GALNT13: variants seen among roughly 807,000 people sequenced by gnomAD.
The protein encoded by GALNT13 is polypeptide N-acetylgalactosaminyltransferase 13, also known as UDP-GalNAc:polypeptide N-acetylgalactosaminyltransferase 13.
A neutral mutation model predicts 64.2 loss-of-function variants in GALNT13; 28 were observed. That is an observed-to-expected ratio of 0.44 (90% CI 0.32 to 0.60). The LOEUF (loss-of-function observed/expected upper bound fraction) is 0.60, where lower values mean the gene tolerates loss of function less well. GALNT13 is among the 20% of genes least tolerant of loss of function. The probability of loss-of-function intolerance (pLI) is 0.05; values close to 1 mark genes in which losing one functional copy is unlikely to be tolerated. For synonymous variants in GALNT13, 214 were observed against 224.6 expected (o/e 0.95, Z 0.42); for missense variants, 577 against 669.8 (o/e 0.86, Z 1.53).
At chr2:153,869,378 T>C (rs1394087418), upstream of GALNT13, among the ~76,000 whole-genome samples, 1 of 152,198 alleles carries the variant, frequency 6.6e-6, no homozygotes, top group Non-Finnish European at 1.5e-5. Context: ...ACATTGCATT[T>C]AGTAGTCATG....
At chr2:153,291,661 G>T in the GALNT13 span, among the ~76,000 whole-genome samples, 1 of 150,062 alleles carries the variant, frequency 6.7e-6, no homozygotes, top group South Asian at 2.1e-4. Flanking sequence ...GGAGTTTCTG[G>T]CAGATGCTCC....
chr2:154,150,175 A>G (rs1194840269), intron 4 of GALNT13, among the ~76,000 whole-genome samples: 1 of 152,204 alleles, frequency 6.6e-6, no homozygotes, highest in Non-Finnish European at 1.5e-5. Context: ...TTCGGCATCT[A>G]TTGAGATAAT....
At chr2:154,307,742 A>C (rs1269880342) in intron 9 of GALNT13, among the ~76,000 whole-genome samples, 1 of 152,164 alleles carries the variant, frequency 6.6e-6, no homozygotes, top group Non-Finnish European at 1.5e-5. Context: ...GGCAGTTTTC[A>C]CAAGTAATTG....
chr2:153,972,433 A>G (rs1693801289), intron 3 of GALNT13, among the ~76,000 whole-genome samples: 1 of 152,114 alleles, frequency 6.6e-6, no homozygotes, highest in South Asian at 2.1e-4. Context: ...TAATATTAGG[A>G]TAAACAATTT....
chr2:153,615,178 A>T, the GALNT13 span, among the ~76,000 whole-genome samples: 2 of 152,062 alleles, frequency 1.3e-5, no homozygotes, highest in Non-Finnish European at 2.9e-5. Context: ...CTTCAGTTCT[A>T]TCCATGTTGT....
chr2:154,229,712 A>G (rs1439710436), intron 4 of GALNT13, among the ~76,000 whole-genome samples: 2 of 152,054 alleles, frequency 1.3e-5, no homozygotes, highest in African/African-American at 4.8e-5. Flanking sequence ...AGCATTCCAG[A>G]TAGAAGGCAT....
chr2:153,681,785 C>G, the GALNT13 span, among the ~76,000 whole-genome samples: 1 of 151,704 alleles, frequency 6.6e-6, no homozygotes. Flanking sequence ...TCAAATAGTT[C>G]TGATTTAAAA....
chr2:154,228,215 G>A (rs963429232), intron 4 of GALNT13, among the ~76,000 whole-genome samples: 10 of 150,170 alleles, frequency 6.7e-5, no homozygotes, highest in African/African-American at 2.0e-4. Context: ...CTCAAAGAGC[G>A]TGTTTATGTA....
At chr2:154,182,493 A>G (rs749862870) in intron 4 of GALNT13, among the ~76,000 whole-genome samples, 6 of 151,796 alleles carry the variant, frequency 4.0e-5, no homozygotes, top group Admixed American at 4.0e-4. Context: ...CTTTCCCCCT[A>G]TCCATGTGGA....
At chr2:153,265,667 A>G in the GALNT13 span, among the ~76,000 whole-genome samples, 33 of 152,136 alleles carry the variant, frequency 2.2e-4, no homozygotes. Flanking sequence ...ATTGTGATGA[A>G]TGTGCTTTTT....
At chr2:153,328,189 G>A in the GALNT13 span, among the ~76,000 whole-genome samples, 4 of 152,158 alleles carry the variant, frequency 2.6e-5, no homozygotes, top group Non-Finnish European at 4.4e-5. Flanking sequence ...CATCCCTGAG[G>A]GGCAGTTGCC....
chr2:153,845,822 T>C, the GALNT13 span, among the ~76,000 whole-genome samples: 3 of 152,088 alleles, frequency 2.0e-5, no homozygotes, highest in African/African-American at 7.2e-5. Context: ...ATCACAAAAG[T>C]ATATACCAAA....
At chr2:153,770,763 T>A in the GALNT13 span, among the ~76,000 whole-genome samples, 1 of 152,212 alleles carries the variant, frequency 6.6e-6, no homozygotes, top group African/African-American at 2.4e-5. Context: ...TGCACAGTAG[T>A]CTGAGCTCCG....
the GALNT13 span, among the ~76,000 whole-genome samples, chr2:153,821,909 T>A: frequency 6.6e-6 from 1 of 152,126 alleles, no homozygotes; most frequent in East Asian, 1.9e-4. Context: ...ACATTACAAC[T>A]GATTCAAAAG....
At chr2:154,047,993 T>C (rs1280277030) in intron 3 of GALNT13, among the ~76,000 whole-genome samples, 2 of 152,144 alleles carry the variant, frequency 1.3e-5, no homozygotes, top group Non-Finnish European at 2.9e-5. Context: ...CTGGGTAATT[T>C]ATAAAGAAAA....
chr2:153,325,344 T>C, the GALNT13 span, among the ~76,000 whole-genome samples: 1 of 152,112 alleles, frequency 6.6e-6, no homozygotes, highest in African/African-American at 2.4e-5. Context: ...AGTGGTGATA[T>C]CCACTTTATC....
the GALNT13 span, among the ~76,000 whole-genome samples, chr2:153,817,756 A>G: frequency 6.6e-6 from 1 of 152,328 alleles, no homozygotes; most frequent in Non-Finnish European, 1.5e-5. Context: ...ACCACATAAA[A>G]TTTTGTACAT....
intron 3 of GALNT13, among the ~76,000 whole-genome samples, chr2:153,981,109 A>G (rs1325242699): frequency 6.6e-6 from 1 of 152,202 alleles, no homozygotes; most frequent in Admixed American, 6.5e-5. Flanking sequence ...GGCAACTATC[A>G]TAATTATCTC....
chr2:154,087,237 T>C (rs1052647152), intron 3 of GALNT13, among the ~76,000 whole-genome samples: 7 of 152,058 alleles, frequency 4.6e-5, no homozygotes, highest in Non-Finnish European at 1.0e-4. Context: ...TTTTTCAGAC[T>C]CTTCTGTAGA....
Sources: gnomAD v4.1 joint callset for allele counts (sites outside exome capture counted in the v4.1 genomes callset) on GRCh38, gnomAD v4.1.1 for gene constraint, MANE v1.5 for transcripts, NCBI Gene and HGNC (gene_info 2026-07-23, HGNC 2026-07-21) for gene names.